AKT3: variants seen among roughly 807,000 people sequenced by gnomAD.
AKT3 encodes AKT serine/threonine kinase 3.
AKT3 carries 15 observed loss-of-function variants against 65.3 expected under a neutral mutation model. The ratio of observed to expected loss-of-function variants is 0.23; its 90% confidence interval spans 0.15 to 0.35. The LOEUF is 0.35. Among genes scored for constraint, AKT3 ranks in the 10% least tolerant of loss-of-function variants. AKT3 has a pLI of 1.00. For missense variants in AKT3, 243 were observed against 576.5 expected (o/e 0.42, Z 5.92); for synonymous variants, 206 against 183.8 (o/e 1.12, Z -0.98).
rs540801628 is a variant in AKT3, at chr1:243,632,662, G to A, written c.561+4949C>T. Among the ~76,000 whole-genome samples, 159 of 152,292 alleles carry A rather than the reference G, an allele frequency of 1.0e-3. 1 individual carries two copies. Among genetic ancestry groups the A allele is most frequent in the Admixed American group, 2.6e-3 (40 of 15,292 alleles). Reference sequence around the variant, plus strand: ...CAGGCAATGACTTCTCCTTTCTAAGGAAGTCCTAAGTTCAACTACATGGAA... The same window carrying A: ...CAGGCAATGACTTCTCCTTTCTAAGAAAGTCCTAAGTTCAACTACATGGAA... On this transcript the variant is annotated intron_variant, in intron 6 of 13. Transcript: ENST00000673466.
chr1:243,495,623 G>A (rs1040480940), downstream of AKT3, among the ~76,000 whole-genome samples: 1 of 152,232 alleles, frequency 6.6e-6, no homozygotes, highest in Non-Finnish European at 1.5e-5. Flanking sequence ...CGCTGTGCTG[G>A]GGACAGCAGG....
At chr1:243,587,965 G>A (rs937006545) in intron 8 of AKT3, among the ~76,000 whole-genome samples, 5 of 152,124 alleles carry the variant, frequency 3.3e-5, no homozygotes, top group Admixed American at 1.3e-4. Flanking sequence ...ATTAGATACT[G>A]GACAAGAGGA....
intron 2 of AKT3, among the ~76,000 whole-genome samples, chr1:243,785,980 C>G (rs1260913938): frequency 6.6e-6 from 1 of 152,220 alleles, no homozygotes; most frequent in Non-Finnish European, 1.5e-5. Flanking sequence ...GAAAGATACT[C>G]TGCAAGTGAG....
At chr1:243,787,674 A>G (rs983274632) in intron 2 of AKT3, among the ~76,000 whole-genome samples, 10 of 152,124 alleles carry the variant, frequency 6.6e-5, no homozygotes, top group Non-Finnish European at 1.2e-4. Flanking sequence ...CTTATCTACT[A>G]TATATTTATC....
At chr1:243,622,845 C>T (rs771991997) in intron 6 of AKT3, among the ~76,000 whole-genome samples, 5 of 152,114 alleles carry the variant, frequency 3.3e-5, no homozygotes, top group East Asian at 1.9e-4. Context: ...TGGCTGATCA[C>T]GTTAAGAGAT....
chr1:243,815,138 C>G (rs1445684679), intron 2 of AKT3, among the ~76,000 whole-genome samples: 1 of 152,148 alleles, frequency 6.6e-6, no homozygotes, highest in Non-Finnish European at 1.5e-5. Flanking sequence ...TACGAAGAGG[C>G]TGGGAATTTT....
chr1:243,658,129 G>C (rs994196103), intron 4 of AKT3, among the ~76,000 whole-genome samples: 2 of 152,112 alleles, frequency 1.3e-5, no homozygotes, highest in Non-Finnish European at 2.9e-5. Flanking sequence ...AAAATAAAAA[G>C]CTTCTGCACA....
At chr1:243,602,022 G>A (rs892617711) in intron 8 of AKT3, among the ~76,000 whole-genome samples, 3 of 152,158 alleles carry the variant, frequency 2.0e-5, no homozygotes, top group African/African-American at 7.2e-5. Flanking sequence ...CACATGGAAA[G>A]GAATCATGTA....
At chr1:243,757,504 G>A (rs1689210233) in intron 2 of AKT3, among the ~76,000 whole-genome samples, 2 of 152,084 alleles carry the variant, frequency 1.3e-5, no homozygotes. Context: ...TGTAATCCCT[G>A]CTACTCAGGA....
At chr1:243,641,206 T>C (rs1173932224) in intron 5 of AKT3, among the ~76,000 whole-genome samples, 2 of 151,704 alleles carry the variant, frequency 1.3e-5, no homozygotes, top group East Asian at 3.9e-4. Context: ...TTGTGGAACC[T>C]TGTGATCGTG....
chr1:243,746,388 G>T (rs1246115505), intron 2 of AKT3, among the ~76,000 whole-genome samples: 2 of 152,178 alleles, frequency 1.3e-5, no homozygotes. Context: ...AGTGATAAAT[G>T]TTTTTTCCCC....
chr1:243,729,495 CATAGATT>C (rs1205137825), intron 2 of AKT3, among the ~76,000 whole-genome samples: 6 of 152,130 alleles, frequency 3.9e-5, no homozygotes, highest in South Asian at 2.1e-4. Flanking sequence ...TCAAGTACCT[CATAGATT>C]ATAAAGAGAC....
chr1:243,629,421 G>A (rs1041927633), intron 6 of AKT3, among the ~76,000 whole-genome samples: 8 of 152,174 alleles, frequency 5.3e-5, no homozygotes, highest in African/African-American at 9.7e-5. Flanking sequence ...TCAGGATCAG[G>A]AGATGACTGG....
chr1:243,518,406 A>T (rs2148379723), intron 12 of AKT3, among the ~76,000 whole-genome samples: 1 of 152,280 alleles, frequency 6.6e-6, no homozygotes, highest in South Asian at 2.1e-4. Context: ...AGTCTGAGGC[A>T]GGCAGATCAG....
intron 6 of AKT3, among the ~76,000 whole-genome samples, chr1:243,618,449 T>C (rs1300736277): frequency 6.6e-6 from 1 of 152,104 alleles, no homozygotes; most frequent in Non-Finnish European, 1.5e-5. Flanking sequence ...TAATTTTTAA[T>C]TACAGTTAAA....
chr1:243,804,378 C>T (rs1486015268), intron 2 of AKT3, among the ~76,000 whole-genome samples: 3 of 152,080 alleles, frequency 2.0e-5, no homozygotes, highest in Non-Finnish European at 4.4e-5. Flanking sequence ...TAAGGTTATT[C>T]TAAATCTTTA....
At chr1:243,779,935 C>A (rs1159520275) in intron 2 of AKT3, among the ~76,000 whole-genome samples, 1 of 151,944 alleles carries the variant, frequency 6.6e-6, no homozygotes, top group Non-Finnish European at 1.5e-5. Context: ...AAGATTATAA[C>A]CCATTGAGTA....
intron 2 of AKT3, among the ~76,000 whole-genome samples, chr1:243,779,025 T>C (rs1690740908): frequency 6.6e-6 from 1 of 152,102 alleles, no homozygotes; most frequent in African/African-American, 2.4e-5. Flanking sequence ...CAATTTCCTA[T>C]TAATGGACAT....
chr1:243,783,592 G>A (rs575453410), intron 2 of AKT3, among the ~76,000 whole-genome samples: 105 of 152,114 alleles, frequency 6.9e-4, no homozygotes, highest in Non-Finnish European at 1.3e-3. Flanking sequence ...ATTTGTAAAT[G>A]AAAAGTTAAC....
Sources: gnomAD v4.1 joint callset for allele counts (sites outside exome capture counted in the v4.1 genomes callset) on GRCh38, gnomAD v4.1.1 for gene constraint, MANE v1.5 for transcripts, NCBI Gene and HGNC (gene_info 2026-07-23, HGNC 2026-07-21) for gene names.